The following ZNF260 variants were observed in gnomAD, a reference collection of about 807,000 sequenced individuals.
The protein encoded by ZNF260 is zfp-260.
A neutral mutation model predicts 29.3 loss-of-function variants in ZNF260; 21 were observed. The ratio of observed to expected loss-of-function variants is 0.72; its 90% CI spans 0.51 to 1.03. The LOEUF (loss-of-function observed/expected upper bound fraction) is 1.03. Among genes scored for constraint, ZNF260 ranks in the 50% least tolerant of loss-of-function variants. The pLI is 0.00. For missense variants in ZNF260, 465 were observed against 487.8 expected (o/e 0.95, Z 0.44); for synonymous variants, 156 against 156.8 (o/e 0.99, Z 0.04).
chr19:36,525,389 A>C lies in ZNF260; in HGVS notation c.-680-16T>G, dbSNP rs1317730209. 6.6e-6 allele frequency: 1 copy of C among 152,260 alleles called. No homozygotes were observed. Among genetic ancestry groups the C allele is most frequent in the Non-Finnish European group, 1.5e-5 (1 of 68,068 alleles). The allele number at this position is 152,260 out of a possible 1,614,324, so 9.4% of individuals were successfully genotyped here. On this transcript the variant is annotated splice_polypyrimidine_tract_variant and intron_variant, in intron 1 of 2. Coordinates refer to ENST00000523638, the MANE Select transcript of ZNF260 (RefSeq NM_001166037.2). ...GGAAGCAGGCCTGTGAAAAAGAACA[A>C]AGTAATGATGATTCTTTGGCTTTGA...
intron 2 of ZNF260, among the ~76,000 whole-genome samples, chr19:36,522,207 C>A (rs2034657582): frequency 6.6e-6 from 1 of 152,064 alleles, no homozygotes; most frequent in Non-Finnish European, 1.5e-5. Flanking sequence ...GTAATCCCAG[C>A]ACTTTGGGAG....
intron 2 of ZNF260, among the ~76,000 whole-genome samples, chr19:36,517,017 T>G (rs1329505606): frequency 6.6e-6 from 1 of 152,172 alleles, no homozygotes; most frequent in African/African-American, 2.4e-5. Context: ...TTCTATGTCT[T>G]CCCGAAACAC....
intron 2 of ZNF260, among the ~76,000 whole-genome samples, chr19:36,516,534 A>T (rs2034552825): frequency 6.6e-6 from 1 of 152,196 alleles, no homozygotes; most frequent in Non-Finnish European, 1.5e-5. Flanking sequence ...GGGCTGCAAT[A>T]AGCTATGATC....
chr19:36,526,595 C>T (rs2034738946), intron 1 of ZNF260, among the ~76,000 whole-genome samples: 2 of 152,012 alleles, frequency 1.3e-5, no homozygotes, highest in African/African-American at 4.8e-5. Flanking sequence ...TATGCACATC[C>T]TCCCATATAC....
In ZNF260 at chr19:36,515,673, T is replaced by A. The variant is rs2034537146; in HGVS notation, c.-435A>T. On this transcript the variant is annotated 5_prime_UTR_variant, in exon 3 of 3. Coordinates refer to ENST00000523638, the MANE Select transcript of ZNF260 (RefSeq NM_001166037.2). Reference sequence around the variant, plus strand: ...ACAAGTCTTTCATGTTGCGTCTTTATCTGTTTATAAACTTCCCAGGCTTCT... The same window carrying A: ...ACAAGTCTTTCATGTTGCGTCTTTAACTGTTTATAAACTTCCCAGGCTTCT... The A allele has an allele frequency of 6.1e-6, 1 of 163,564 alleles. No homozygotes were observed. Among genetic ancestry groups the A allele is most frequent in the African/African-American group, 2.4e-5 (1 of 41,458 alleles). 10.1% of individuals were successfully genotyped at this position (163,564 alleles called of 1,614,324 possible).
intron 1 of ZNF260, among the ~76,000 whole-genome samples, chr19:36,525,706 G>A (rs1053456044): frequency 6.6e-6 from 1 of 151,338 alleles, no homozygotes; most frequent in East Asian, 2.0e-4. Flanking sequence ...AGAATCACTT[G>A]AAGCCAGGAG....
Position 36,515,102 on chromosome 19 carries a change from T to TTATGCTC in ZNF260, c.130_136dup (p.Lys46ArgfsTer3). On this transcript the variant is annotated stop_gained and frameshift_variant, in exon 3 of 3. Transcript: ENST00000523638. LOFTEE classifies it high-confidence loss of function. The stretch of plus-strand genomic sequence containing the variant: ...AGATTTCTCTCCAGTATGCATTTTC[T>TTATGCTC]TATGCTCTACAAGGTTTTGCTTCAG... 3 of 1,614,150 alleles carry TTATGCTC rather than the reference T, an allele frequency of 1.9e-6. No individual in the cohort carries two copies. The highest frequency in any genetic ancestry group is 2.5e-6 in the Non-Finnish European group (3 of 1,180,012).
rs2034698236 is a variant in ZNF260, at chr19:36,524,517, G to GTTTTTTTTTTTTTGTTTTT, written c.-462+637_-462+638insAAAAACAAAAAAAAAAAAA. 2.2e-5 allele frequency among the ~76,000 whole-genome samples: 2 copies of GTTTTTTTTTTTTTGTTTTT among 90,972 alleles called. 1 individual carries two copies. The highest frequency in any genetic ancestry group is 8.1e-4 in the South Asian group (2 of 2,484). 59.7% of individuals were successfully genotyped at this position (90,972 alleles called of 152,430 possible). A position where few individuals can be genotyped will look rare whatever the true frequency, so the allele number is the denominator to read the frequency against. Reference sequence around the variant, plus strand: ...TTTAAAGAAAATAACTTACATGCTAGTTTTTTTTTTTTTTTTTATTGATCA... The same window carrying GTTTTTTTTTTTTTGTTTTT: ...TTTAAAGAAAATAACTTACATGCTAGTTTTTTTTTTTTTGTTTTTTTTTTTTTTTTTTTTTTATTGATCA... On this transcript the variant is annotated intron_variant, in intron 2 of 2. Coordinates refer to ENST00000523638, the MANE Select transcript of ZNF260 (RefSeq NM_001166037.2).
intron 1 of ZNF260, among the ~76,000 whole-genome samples, chr19:36,527,781 T>C (rs111507591): frequency 0.013 from 2,032 of 152,328 alleles, 53 homozygotes; most frequent in African/African-American, 0.046. Context: ...ATGCTGATTT[T>C]GTTTTCTACT....
At chr19:36,519,314 C>A (rs995135220) in intron 2 of ZNF260, among the ~76,000 whole-genome samples, 2 of 152,074 alleles carry the variant, frequency 1.3e-5, no homozygotes, top group Non-Finnish European at 2.9e-5. Flanking sequence ...CATAGAAAAT[C>A]ATTTGGTTTA....
At chr19:36,526,688 G>C (rs1018691225) in intron 1 of ZNF260, among the ~76,000 whole-genome samples, 4 of 152,020 alleles carry the variant, frequency 2.6e-5, no homozygotes, top group African/African-American at 9.7e-5. Flanking sequence ...ATTGTTTAGG[G>C]AATCATGACA....
At position 36,514,243 on chromosome 19, in the gene ZNF260, ATAAGGCT is replaced by A; in HGVS notation, c.989_995del (p.Lys330MetfsTer20). 1.9e-6 allele frequency: 3 copies of A among 1,614,178 alleles called. No homozygotes were observed. The highest frequency in any genetic ancestry group is 2.5e-6 in the Non-Finnish European group (3 of 1,180,016). ...AGGCTTTCCCACAGACCTTACACTC[ATAAGGCT>A]TATCACCTGTATGAATTCTCACATG... On this transcript the variant is annotated frameshift_variant, in exon 3 of 3. Coordinates refer to ENST00000523638, the MANE Select transcript of ZNF260 (RefSeq NM_001166037.2). LOFTEE classifies it high-confidence loss of function.
Position 36,510,827 on chromosome 19 carries a change from G to A in ZNF260, c.*3173C>T, listed in dbSNP as rs1201228786. On this transcript the variant is annotated 3_prime_UTR_variant, in exon 3 of 3. Transcript: ENST00000523638. ...ATGTTGCAATTGCTCATCTTACTCT[G>A]ACCATCATAATCATTCTTTTTGCTG... is the stretch of plus-strand genomic sequence containing the variant. The A allele has an allele frequency of 6.6e-6, 1 of 152,152 alleles. No individual in the cohort carries two copies. The highest frequency in any genetic ancestry group is 2.4e-5 in the African/African-American group (1 of 41,422). 9.4% of individuals were successfully genotyped at this position (152,152 alleles called of 1,614,324 possible).
chr19:36,513,711 T>A lies in ZNF260; in HGVS notation c.*289A>T. 2.2e-6 allele frequency: 1 copy of A among 446,136 alleles called. No individual in the cohort carries two copies. Among genetic ancestry groups the A allele is most frequent in the East Asian group, 3.1e-5 (1 of 32,232 alleles). The allele number at this position is 446,136 out of a possible 1,614,324, so 27.6% of individuals were successfully genotyped here. ...CATCTCATATCTATTTCTTAATGCA[T>A]CTGTAGGCCTTCCAGGAACACATTA... On this transcript the variant is annotated 3_prime_UTR_variant, in exon 3 of 3. Coordinates refer to ENST00000523638, the MANE Select transcript of ZNF260 (RefSeq NM_001166037.2).
intron 2 of ZNF260, among the ~76,000 whole-genome samples, chr19:36,524,936 G>C (rs1381278008): frequency 6.6e-6 from 1 of 152,108 alleles, no homozygotes; most frequent in Non-Finnish European, 1.5e-5. Flanking sequence ...CAGTCCTCTA[G>C]AATCTGATAA....
intron 2 of ZNF260, among the ~76,000 whole-genome samples, chr19:36,521,960 A>G (rs1194894420): frequency 1.3e-5 from 2 of 151,876 alleles, no homozygotes; most frequent in Non-Finnish European, 2.9e-5. Context: ...GAGGCAGCAG[A>G]ATCGCTTGAA....
At position 36,513,776 on chromosome 19, in the gene ZNF260, C is replaced by T. The variant is rs763072549; in HGVS notation, c.*224G>A. 3 of 580,706 alleles carry T rather than the reference C, an allele frequency of 5.2e-6. No homozygotes were observed. The highest frequency in any genetic ancestry group is 4.8e-5 in the South Asian group (2 of 41,648). 36.0% of individuals were successfully genotyped at this position (580,706 alleles called of 1,614,324 possible). A position where few individuals can be genotyped will look rare whatever the true frequency, so the allele number is the denominator to read the frequency against. ...CTAGATCCTAACTTTAATGAGTATACTCCTAGAAGTACAGCATTGATAATG... is the reference window on the plus strand; with the variant it reads ...CTAGATCCTAACTTTAATGAGTATATTCCTAGAAGTACAGCATTGATAATG... On this transcript the variant is annotated 3_prime_UTR_variant, in exon 3 of 3. Coordinates refer to ENST00000523638, the MANE Select transcript of ZNF260 (RefSeq NM_001166037.2).
At chr19:36,524,522 T>G (rs1168279887) in intron 2 of ZNF260, among the ~76,000 whole-genome samples, 2 of 106,130 alleles carry the variant, frequency 1.9e-5, no homozygotes. Context: ...TGCTAGTTTT[T>G]TTTTTTTTTT....
At chr19:36,519,948 C>T (rs1005295770) in intron 2 of ZNF260, among the ~76,000 whole-genome samples, 2 of 151,386 alleles carry the variant, frequency 1.3e-5, no homozygotes, top group African/African-American at 4.9e-5. Flanking sequence ...GCCTGTAATC[C>T]CAGCACTTTG....
Sources: allele counts gnomAD v4.1 joint callset (sites outside exome capture counted in the v4.1 genomes callset), GRCh38; gene constraint gnomAD v4.1.1; transcripts MANE v1.5; gene names NCBI Gene and HGNC (gene_info 2026-07-23, HGNC 2026-07-21).